FAM184B: variants seen among roughly 807,000 people sequenced by gnomAD.
The protein encoded by FAM184B is protein FAM184B.
FAM184B carries 111 observed loss-of-function variants against 135.9 expected under a neutral mutation model. The ratio of observed to expected loss-of-function variants is 0.82; its 90% CI spans 0.70 to 0.96. The LOEUF is 0.96. Ranked by LOEUF, FAM184B falls within the 40% of genes least tolerant of loss-of-function variation. The pLI is 0.00. For missense variants in FAM184B, 1,375 were observed against 1,323.9 expected, an observed-to-expected ratio of 1.04 and a Z score of -0.60; for synonymous variants, 552 against 524.8, an observed-to-expected ratio of 1.05 and a Z score of -0.71.
At chr4:17,648,017 C>T (rs906212484) in intron 11 of FAM184B, among the ~76,000 whole-genome samples, 1 of 152,172 alleles carries the variant, frequency 6.6e-6, no homozygotes, top group East Asian at 1.9e-4. Context: ...ATGAATTATC[C>T]CCCACCCCCG....
intron 1 of FAM184B, among the ~76,000 whole-genome samples, chr4:17,768,971 T>G (rs1002137872): frequency 1.3e-5 from 2 of 152,106 alleles, no homozygotes; most frequent in Non-Finnish European, 2.9e-5. Flanking sequence ...GTCTGGCTAA[T>G]TTTCTGTTTT....
intron 1 of FAM184B, among the ~76,000 whole-genome samples, chr4:17,721,382 T>TAAAAAAAAAAAAA (rs1717522850): frequency 2.8e-4 from 1 of 3,628 alleles, no homozygotes; most frequent in Non-Finnish European, 1.2e-3. Flanking sequence ...AGATTCTGTC[T>TAAAAAAAAAAAAA]CAAAAAAAAA....
intron 15 of FAM184B, among the ~76,000 whole-genome samples, chr4:17,635,861 T>A (rs1012925422): frequency 6.6e-6 from 1 of 152,138 alleles, no homozygotes; most frequent in African/African-American, 2.4e-5. Context: ...TCCAAGGGGC[T>A]TAGGGAGTGG....
intron 7 of FAM184B, among the ~76,000 whole-genome samples, chr4:17,675,378 T>C (rs564881736): frequency 1.3e-5 from 2 of 152,288 alleles, no homozygotes; most frequent in African/African-American, 4.8e-5. Context: ...GTCTCAACAC[T>C]GGGCTTGAAA....
At chr4:17,683,685 G>T (rs60178264) in intron 7 of FAM184B, among the ~76,000 whole-genome samples, 81,126 of 151,974 alleles carry the variant, frequency 0.53, 23,644 homozygotes, top group East Asian at 0.82. Context: ...TTCTGTACAA[G>T]GGAGAACTAG....
chr4:17,752,872 G>C (rs1461576679), intron 1 of FAM184B, among the ~76,000 whole-genome samples: 1 of 152,200 alleles, frequency 6.6e-6, no homozygotes, highest in Non-Finnish European at 1.5e-5. Context: ...AGAGATTAAA[G>C]CAACAGATGT....
chr4:17,707,192 C>T (rs13122181), intron 3 of FAM184B, among the ~76,000 whole-genome samples: 1 of 152,088 alleles, frequency 6.6e-6, no homozygotes, highest in South Asian at 2.1e-4. Context: ...CCTCCTCAGC[C>T]TCCTAAAGTG....
chr4:17,637,032 T>C (rs975913612), intron 14 of FAM184B, among the ~76,000 whole-genome samples: 3 of 152,136 alleles, frequency 2.0e-5, no homozygotes, highest in African/African-American at 4.8e-5. Context: ...TATGGCCTTT[T>C]TTTTCTTTTT....
At chr4:17,710,460 T>C (rs1191962811) in intron 1 of FAM184B, among the ~76,000 whole-genome samples, 3 of 152,122 alleles carry the variant, frequency 2.0e-5, no homozygotes, top group East Asian at 3.8e-4. Context: ...ATTGTCTCAA[T>C]AGACACAGAA....
intron 12 of FAM184B, among the ~76,000 whole-genome samples, chr4:17,643,939 G>A (rs781138133): frequency 8.5e-5 from 13 of 152,320 alleles, no homozygotes; most frequent in East Asian, 3.9e-4. Flanking sequence ...CAACAGGACC[G>A]GGCGGTAGAT....
chr4:17,658,614 T>C (rs2302391), intron 9 of FAM184B, 52 bp from the exon 10 acceptor site: 945,142 of 1,505,724 alleles, frequency 0.63, 299,878 homozygotes, highest in East Asian at 0.91. Flanking sequence ...TTTCCTGGGA[T>C]GTTTTCTTCA....
intron 1 of FAM184B, among the ~76,000 whole-genome samples, chr4:17,775,604 A>G (rs1406205537): frequency 6.6e-6 from 1 of 152,184 alleles, no homozygotes; most frequent in Non-Finnish European, 1.5e-5. Context: ...AACTGACCCA[A>G]TCATCTCTTG....
At chr4:17,634,177 A>C (rs1715055616) in intron 16 of FAM184B, 1 of 264,606 alleles carries the variant, frequency 3.8e-6, no homozygotes, top group South Asian at 1.2e-4. Context: ...CACCCCCAGC[A>C]GGGGATGGGC....
intron 1 of FAM184B, among the ~76,000 whole-genome samples, chr4:17,739,266 T>C (rs1185975816): frequency 6.6e-6 from 1 of 152,150 alleles, no homozygotes; most frequent in Non-Finnish European, 1.5e-5. Context: ...TCAGCCACCA[T>C]GGCGGATCCC....
intron 10 of FAM184B, 108 bp from the exon 11 acceptor site, chr4:17,653,091 C>T (rs1459173845): frequency 3.7e-6 from 4 of 1,086,788 alleles, no homozygotes; most frequent in Non-Finnish European, 5.4e-6. Context: ...CACTCGCACT[C>T]TCCCATGGAG....
intron 7 of FAM184B, among the ~76,000 whole-genome samples, chr4:17,665,407 T>C (rs1317848558): frequency 6.6e-6 from 1 of 152,256 alleles, no homozygotes; most frequent in East Asian, 1.9e-4. Context: ...ATTTTTCTAT[T>C]TGTCATAACC....
chr4:17,629,459 G>T lies in FAM184B; in HGVS notation c.*3073C>A, dbSNP rs1402862396. Reference sequence around the variant, plus strand: ...ATTACATCAGTGTTAGAGCAGTTAAGGGCTCAGGTATGTGGTGTGCAGCCA... The same window carrying T: ...ATTACATCAGTGTTAGAGCAGTTAATGGCTCAGGTATGTGGTGTGCAGCCA... On this transcript the variant is annotated 3_prime_UTR_variant, in exon 18 of 18. Coordinates refer to ENST00000265018, the MANE Select transcript of FAM184B (RefSeq NM_015688.2). 6.6e-6 allele frequency: 1 copy of T among 152,186 alleles called. No homozygotes were observed. The highest frequency in any genetic ancestry group is 1.9e-4 in the East Asian group (1 of 5,194). The allele number at this position is 152,186 out of a possible 1,614,324, so 9.4% of individuals were successfully genotyped here.
In FAM184B at chr4:17,742,055, G is replaced by C. The variant is rs77341346; in HGVS notation, c.142-32411C>G. On this transcript the variant is annotated intron_variant, in intron 1 of 17. Coordinates refer to ENST00000265018, the MANE Select transcript of FAM184B (RefSeq NM_015688.2). ...ACCTACAGTCAGCAATAATATATTG[G>C]ACACTTAAAAATTTACCAAGAGGGT... Among the ~76,000 whole-genome samples the C allele has an allele frequency of 8.4e-3, 1,269 of 151,030 alleles. 18 individuals are homozygous for C. Among genetic ancestry groups the C allele is most frequent in the African/African-American group, 0.028 (1,165 of 41,074 alleles).
At chr4:17,658,584 C>T (rs1355459574) in intron 9 of FAM184B, 22 bp from the exon 10 acceptor site, 1 of 1,547,504 alleles carries the variant, frequency 6.5e-7, no homozygotes, top group African/African-American at 1.4e-5. Flanking sequence ...GCATCCTGCC[C>T]TCAGTCTAAG....
Sources: allele counts gnomAD v4.1 joint callset (sites outside exome capture counted in the v4.1 genomes callset), GRCh38; gene constraint gnomAD v4.1.1; transcripts MANE v1.5; gene names NCBI Gene and HGNC (gene_info 2026-07-23, HGNC 2026-07-21).